ITGBL1: variants seen among roughly 807,000 people sequenced by gnomAD.
ITGBL1 encodes the protein integrin subunit beta like 1.
Under a neutral mutation model 68.5 loss-of-function variants are expected in ITGBL1, and 51 were observed. The ratio of observed to expected loss-of-function variants is 0.74; its 90% CI spans 0.59 to 0.94. The LOEUF (loss-of-function observed/expected upper bound fraction) is 0.94. Among genes scored for constraint, ITGBL1 ranks in the 40% least tolerant of loss-of-function variants. The pLI, the probability that ITGBL1 is intolerant of heterozygous loss-of-function variation, is 0.00. For synonymous variants in ITGBL1, 209 were observed against 227.3 expected, an observed-to-expected ratio of 0.92 and a Z score of 0.72; for missense variants, 649 against 647.4, an observed-to-expected ratio of 1.00 and a Z score of -0.03.
chr13:101,467,475 T>G (rs1434872921), intron 2 of ITGBL1, among the ~76,000 whole-genome samples: 1 of 152,182 alleles, frequency 6.6e-6, no homozygotes, highest in African/African-American at 2.4e-5. Flanking sequence ...TTGATAAAGA[T>G]AGAGAGCTGC....
At chr13:101,605,169 T>TATATACAC (rs2030689693) in intron 7 of ITGBL1, among the ~76,000 whole-genome samples, 30 of 84,082 alleles carry the variant, frequency 3.6e-4, no homozygotes, top group Admixed American at 7.9e-4. Context: ...TATATGCGTA[T>TATATACAC]ATATGCACAT....
chr13:101,606,632 G>A (rs577351574), intron 7 of ITGBL1, among the ~76,000 whole-genome samples: 5 of 152,000 alleles, frequency 3.3e-5, no homozygotes, highest in South Asian at 4.1e-4. Flanking sequence ...AAGTTAATTT[G>A]CATCACATCT....
intron 6 of ITGBL1, among the ~76,000 whole-genome samples, chr13:101,596,978 T>C (rs1486467176): frequency 6.6e-6 from 1 of 152,166 alleles, no homozygotes; most frequent in Non-Finnish European, 1.5e-5. Context: ...GTGAAATTAC[T>C]GTGTATGAGT....
chr13:101,654,349 G>A (rs916417527), intron 7 of ITGBL1, among the ~76,000 whole-genome samples: 1 of 152,142 alleles, frequency 6.6e-6, no homozygotes, highest in East Asian at 1.9e-4. Flanking sequence ...CTGCTATGTG[G>A]TGGATGCCTC....
chr13:101,711,460 T>G (rs2034464253), intron 9 of ITGBL1: 1 of 152,226 alleles, frequency 6.6e-6, no homozygotes, highest in African/African-American at 2.4e-5. Context: ...GGTGTTCAAG[T>G]TGCCTCGCTC....
At chr13:101,508,817 A>G (rs1321640154) in intron 2 of ITGBL1, among the ~76,000 whole-genome samples, 1 of 152,126 alleles carries the variant, frequency 6.6e-6, no homozygotes. Flanking sequence ...TGTTTTCAAT[A>G]TTTCAACTCT....
intron 2 of ITGBL1, among the ~76,000 whole-genome samples, chr13:101,456,950 A>G (rs371447731): frequency 5.3e-5 from 8 of 152,328 alleles, no homozygotes; most frequent in Admixed American, 3.9e-4. Flanking sequence ...GACAATTTCC[A>G]GGATTCAAAT....
chr13:101,537,310 T>C (rs943916769), intron 2 of ITGBL1, among the ~76,000 whole-genome samples: 1 of 151,994 alleles, frequency 6.6e-6, no homozygotes, highest in African/African-American at 2.4e-5. Context: ...AAAACAAATT[T>C]TGGTCAAGTA....
At chr13:101,524,750 CATTT>C (rs1431376665) in intron 2 of ITGBL1, among the ~76,000 whole-genome samples, 2 of 149,926 alleles carry the variant, frequency 1.3e-5, no homozygotes, top group East Asian at 1.9e-4. Flanking sequence ...AATGAATACA[CATTT>C]ATTTGGGAAA....
intron 7 of ITGBL1, among the ~76,000 whole-genome samples, chr13:101,604,538 G>A (rs892738513): frequency 2.6e-5 from 4 of 151,386 alleles, no homozygotes; most frequent in African/African-American, 9.7e-5. Flanking sequence ...TTTTGAAAAC[G>A]AAAACCAAGA....
Position 101,548,447 on chromosome 13 carries a change from T to C in ITGBL1, c.317-19252T>C, listed in dbSNP as rs151140044. ...GATTGAAAAGCTATTTAACAAAATT[T>C]ATCTTAATCTATGCCTTAAATGTAT... On this transcript the variant is annotated intron_variant, in intron 2 of 10. Transcript: ENST00000376180. 1.9e-3 allele frequency among the ~76,000 whole-genome samples: 288 copies of C among 151,990 alleles called. 1 individual carries two copies. The highest frequency in any genetic ancestry group is 6.7e-3 in the African/African-American group (277 of 41,572).
chr13:101,570,454 T>C (rs1032749876), intron 3 of ITGBL1, among the ~76,000 whole-genome samples: 24 of 152,314 alleles, frequency 1.6e-4, no homozygotes, highest in African/African-American at 5.5e-4. Context: ...GGTATTTGAA[T>C]AAAAATTGTG....
chr13:101,496,787 A>G (rs181209792), intron 2 of ITGBL1, among the ~76,000 whole-genome samples: 56 of 152,344 alleles, frequency 3.7e-4, no homozygotes, highest in Non-Finnish European at 3.8e-4. Context: ...ACTTTCAGGT[A>G]GGACAATCCT....
chr13:101,663,723 T>C (rs954862180), intron 7 of ITGBL1, among the ~76,000 whole-genome samples: 2 of 152,204 alleles, frequency 1.3e-5, no homozygotes, highest in Non-Finnish European at 2.9e-5. Flanking sequence ...ATTCTCTAAT[T>C]AATTGTCTCC....
At chr13:101,632,909 T>G (rs2032034103) in intron 7 of ITGBL1, among the ~76,000 whole-genome samples, 1 of 152,196 alleles carries the variant, frequency 6.6e-6, no homozygotes, top group Non-Finnish European at 1.5e-5. Context: ...AGATAATGAT[T>G]GTGAATGGCA....
chr13:101,705,901 G>T (rs2034253890), intron 8 of ITGBL1, among the ~76,000 whole-genome samples: 1 of 152,174 alleles, frequency 6.6e-6, no homozygotes, highest in Non-Finnish European at 1.5e-5. Context: ...GTTGATAACA[G>T]ATACTCAGTA....
rs2034273227 is a variant in ITGBL1, at chr13:101,706,771, C to T, written c.1148C>T (p.Ser383Phe). 1 of 1,614,096 alleles carries T rather than the reference C, an allele frequency of 6.2e-7. No homozygotes were observed. The highest frequency in any genetic ancestry group is 8.5e-7 in the Non-Finnish European group (1 of 1,179,996). The change falls in exon 9 of 11, where the codon TCC becomes TTC. Residue 383 changes from serine to phenylalanine, a missense_variant. Physicochemically the swap from Ser to Phe is radical, Grantham distance 155 (BLOSUM62 -2). Transcript: ENST00000376180. ...TGCTTCACAGGCCACGGCACATGTT[C>T]CTGTGGTCGCTGTGTTTGTGAGAGA... The part of the protein sequence containing the change: ...GVVCGGHGTC[S>F]CGRCVCERGW...
chr13:101,644,627 G>A (rs1247341803), intron 7 of ITGBL1, among the ~76,000 whole-genome samples: 1 of 152,132 alleles, frequency 6.6e-6, no homozygotes, highest in Non-Finnish European at 1.5e-5. Flanking sequence ...GCAAATACTT[G>A]AAAAGCAAAG....
At chr13:101,525,733 T>C (rs972459495) in intron 2 of ITGBL1, among the ~76,000 whole-genome samples, 1 of 152,258 alleles carries the variant, frequency 6.6e-6, no homozygotes, top group Non-Finnish European at 1.5e-5. Flanking sequence ...ATAGGGGATA[T>C]GTGCACACTT....
Sources: gnomAD v4.1 joint callset for allele counts (sites outside exome capture counted in the v4.1 genomes callset) on GRCh38, gnomAD v4.1.1 for gene constraint, MANE v1.5 for transcripts, NCBI Gene and HGNC (gene_info 2026-07-23, HGNC 2026-07-21) for gene names.